The following FHIT variants were observed in gnomAD, a reference collection of about 807,000 sequenced individuals.
The protein encoded by FHIT is bis(5'-adenosyl)-triphosphatase.
Under a neutral mutation model 17.9 loss-of-function variants are expected in FHIT, and 19 were observed. The observed-to-expected ratio is 1.06, with a 90% CI of 0.74 to 1.56. The LOEUF (loss-of-function observed/expected upper bound fraction) is 1.56. Ranked by LOEUF, FHIT falls within the 40% of genes most tolerant of loss-of-function variation. The pLI is 0.00. For missense variants in FHIT, 248 were observed against 189.2 expected, an observed-to-expected ratio of 1.31 and a Z score of -1.82; for synonymous variants, 81 against 69.7, an observed-to-expected ratio of 1.16 and a Z score of -0.81.
At chr3:60,732,626 G>C (rs567721625) in intron 4 of FHIT, 68 of 512,392 alleles carry the variant, frequency 1.3e-4, no homozygotes, top group African/African-American at 1.3e-3. Flanking sequence ...GTACACGGTG[G>C]GGTTGACCAT....
Position 59,824,268 on chromosome 3 carries a change from AAAG to A in FHIT, c.349-71950_349-71948del, listed in dbSNP as rs201962510. Among the ~76,000 whole-genome samples the A allele has an allele frequency of 7.8e-3, 1,195 of 152,296 alleles. 51 individuals are homozygous for A. Among genetic ancestry groups the A allele is most frequent in the Admixed American group, 0.071 (1,081 of 15,292 alleles). ...GACGGAGGGAGGTAGAGAGAGTGTT[AAAG>A]AAGAAGGAAAGGGGTAAAAAAGAAT... On this transcript the variant is annotated intron_variant, in intron 8 of 9. Coordinates refer to ENST00000492590, the MANE Select transcript of FHIT (RefSeq NM_002012.4).
rs138838742 is a variant in FHIT at position 61,216,643 on chromosome 3, C to G, written c.-212-15978G>C. ...ATTTGACCCAGCCATGCCATTACTG[C>G]GTATATACCCAAAGGACTATAAATC... On this transcript the variant is annotated intron_variant, in intron 1 of 9. Transcript: ENST00000492590. Among the ~76,000 whole-genome samples the G allele has an allele frequency of 6.4e-3, 964 of 150,714 alleles. 14 individuals carry two copies. Among genetic ancestry groups the G allele is most frequent in the African/African-American group, 0.02 (801 of 40,952 alleles).
rs561112538 is a variant in FHIT, at chr3:60,270,731, G to A, written c.104-256579C>T. Among the ~76,000 whole-genome samples, 8 of 152,304 alleles carry A rather than the reference G, an allele frequency of 5.3e-5. No individual in the cohort carries two copies. The East Asian group carries it at 1.4e-3, about 26-fold the overall frequency. ...ATATTCAGTTTCAGAGATTAGTTCG[G>A]CTTTGGCCATTTCCAAGTGTGAAAG... On this transcript the variant is annotated intron_variant, in intron 5 of 9. Transcript: ENST00000492590.
At chr3:60,472,475 T>C (rs1287236260) in intron 5 of FHIT, among the ~76,000 whole-genome samples, 1 of 151,786 alleles carries the variant, frequency 6.6e-6, no homozygotes, top group Admixed American at 6.6e-5. Context: ...TTCACGCCAT[T>C]CTCCTGCCTC....
intron 3 of FHIT, among the ~76,000 whole-genome samples, chr3:60,847,120 G>A (rs1368880516): frequency 1.3e-5 from 2 of 152,198 alleles, no homozygotes; most frequent in Admixed American, 6.5e-5. Flanking sequence ...CAATGAGCCT[G>A]GCTGATAACC....
intron 5 of FHIT, among the ~76,000 whole-genome samples, chr3:60,055,435 GGTGATGGAC>G (rs1204251890): frequency 4.7e-5 from 7 of 148,628 alleles, no homozygotes; most frequent in African/African-American, 1.7e-4. Context: ...ACAAATGTAT[GGTGATGGAC>G]TTTCTTTTTT....
chr3:60,244,764 T>C (rs1705307684), intron 5 of FHIT, among the ~76,000 whole-genome samples: 1 of 152,142 alleles, frequency 6.6e-6, no homozygotes, highest in Non-Finnish European at 1.5e-5. Flanking sequence ...TTTAAAATTC[T>C]AGATGTTTCA....
chr3:59,986,829 T>C (rs1708990977), intron 7 of FHIT, among the ~76,000 whole-genome samples: 1 of 73,532 alleles, frequency 1.4e-5, no homozygotes, highest in South Asian at 4.3e-4. Context: ...AATATATACG[T>C]ATATATGTGT....
At chr3:60,505,262 G>T (rs964255123) in intron 5 of FHIT, among the ~76,000 whole-genome samples, 6 of 152,176 alleles carry the variant, frequency 3.9e-5, no homozygotes, top group Non-Finnish European at 8.8e-5. Flanking sequence ...TTAAGGAAAT[G>T]ATTTTTGCAA....
chr3:60,046,512 C>T (rs1402543570), intron 5 of FHIT, among the ~76,000 whole-genome samples: 1 of 152,184 alleles, frequency 6.6e-6, no homozygotes, highest in African/African-American at 2.4e-5. Flanking sequence ...TGCCTCCAGG[C>T]AATCCCATTA....
At chr3:60,330,091 G>C (rs997353968) in intron 5 of FHIT, among the ~76,000 whole-genome samples, 1 of 152,142 alleles carries the variant, frequency 6.6e-6, no homozygotes, top group African/African-American at 2.4e-5. Context: ...GCAAATGGCT[G>C]TGGAATCTGG....
chr3:60,169,982 C>T (rs1161302356), intron 5 of FHIT, among the ~76,000 whole-genome samples: 1 of 152,190 alleles, frequency 6.6e-6, no homozygotes, highest in Admixed American at 6.5e-5. Context: ...TGGACCTCTG[C>T]TGTTTTCGAT....
At chr3:60,816,697 T>C (rs1553737803) in intron 4 of FHIT, among the ~76,000 whole-genome samples, 9 of 5,234 alleles carry the variant, frequency 1.7e-3, no homozygotes, top group Admixed American at 5.8e-3. Flanking sequence ...GTTGATTTCT[T>C]TTTTTTTTAT....
chr3:59,831,394 G>A (rs1360947089), intron 8 of FHIT, among the ~76,000 whole-genome samples: 1 of 152,092 alleles, frequency 6.6e-6, no homozygotes, highest in Non-Finnish European at 1.5e-5. Flanking sequence ...GGCAACTATT[G>A]AGACTATTAT....
At chr3:59,832,213 GTACT>G (rs1701188344) in intron 8 of FHIT, among the ~76,000 whole-genome samples, 1 of 152,092 alleles carries the variant, frequency 6.6e-6, no homozygotes, top group East Asian at 1.9e-4. Context: ...AGACTATTGA[GTACT>G]GTCCCTCAGT....
At chr3:60,655,809 A>G (rs1288728180) in intron 4 of FHIT, among the ~76,000 whole-genome samples, 4 of 152,192 alleles carry the variant, frequency 2.6e-5, no homozygotes, top group African/African-American at 4.8e-5. Context: ...TATCACAGAA[A>G]GCAGACAGCA....
rs142767447 is a variant in FHIT, at chr3:60,101,735, A to G, written c.104-87583T>C. Among the ~76,000 whole-genome samples the G allele has an allele frequency of 1.5e-3, 231 of 152,270 alleles. No individual in the cohort carries two copies. In the East Asian group the frequency reaches 0.028, roughly 19 times the overall value. On this transcript the variant is annotated intron_variant, in intron 5 of 9. Transcript: ENST00000492590. ...TAAACAGTATCTGTGCAATGAATAA[A>G]TTAACGAATGCCAAGTTCCATCACA...
chr3:60,320,087 A>G (rs1195110779), intron 5 of FHIT, among the ~76,000 whole-genome samples: 1 of 152,164 alleles, frequency 6.6e-6, no homozygotes, highest in African/African-American at 2.4e-5. Context: ...TTTAGGCACC[A>G]TCCAGACCAC....
At chr3:60,744,271 A>AAC (rs2042308545) in intron 4 of FHIT, among the ~76,000 whole-genome samples, 1 of 52,110 alleles carries the variant, frequency 1.9e-5, no homozygotes, top group African/African-American at 1.1e-4. Flanking sequence ...AACAAAACAA[A>AAC]AAAAAAAAAA....
Sources: gnomAD v4.1 joint callset for allele counts (sites outside exome capture counted in the v4.1 genomes callset) on GRCh38, gnomAD v4.1.1 for gene constraint, MANE v1.5 for transcripts, NCBI Gene and HGNC (gene_info 2026-07-23, HGNC 2026-07-21) for gene names.